GLT6D1: variants seen among roughly 807,000 people sequenced by gnomAD.
The protein encoded by GLT6D1 is glycosyltransferase 6 domain containing 1.
A neutral mutation model predicts 12.3 loss-of-function variants in GLT6D1; 9 were observed. The ratio of observed to expected loss-of-function variants is 0.73; its 90% confidence interval spans 0.44 to 1.27. The LOEUF is 1.27. Among genes scored for constraint, GLT6D1 ranks in the 50% most tolerant of loss-of-function variants. GLT6D1 has a pLI of 0.00. For synonymous variants in GLT6D1, 128 were observed against 132.3 expected, an observed-to-expected ratio of 0.97 and a Z score of 0.23; for missense variants, 335 against 346.2, an observed-to-expected ratio of 0.97 and a Z score of 0.26.
Position 135,639,209 on chromosome 9 carries a change from G to GA in GLT6D1, c.-6-17dup, listed in dbSNP as rs763332794. 7.4e-7 allele frequency: 1 copy of GA among 1,349,888 alleles called. No homozygotes were observed. 83.6% of individuals were successfully genotyped at this position (1,349,888 alleles called of 1,614,324 possible). A position where few individuals can be genotyped will look rare whatever the true frequency, so the allele number is the denominator to read the frequency against. ...TCATTCTCTCCTAGGGAAAGAAGGA[G>GA]AAAAAATTAGATTTTAAGCAATAAA... On this transcript the variant is annotated splice_polypyrimidine_tract_variant and intron_variant, in intron 1 of 4. Coordinates refer to ENST00000371763, the MANE Select transcript of GLT6D1 (RefSeq NM_182974.3).
At chr9:135,634,684 T>C (rs1044250330) in intron 2 of GLT6D1, among the ~76,000 whole-genome samples, 4 of 151,882 alleles carry the variant, frequency 2.6e-5, no homozygotes, top group African/African-American at 4.8e-5. Flanking sequence ...CATACTTTGG[T>C]TGGATTTTCT....
At chr9:135,637,637 T>C (rs540281254) in intron 2 of GLT6D1, among the ~76,000 whole-genome samples, 1 of 152,200 alleles carries the variant, frequency 6.6e-6, no homozygotes, top group South Asian at 2.1e-4. Flanking sequence ...AATTTCCTGA[T>C]GACAAATGAG....
chr9:135,625,190 T>A (rs1413944850), intron 4 of GLT6D1, among the ~76,000 whole-genome samples: 2 of 152,106 alleles, frequency 1.3e-5, no homozygotes, highest in African/African-American at 2.4e-5. Flanking sequence ...GGAAGGAATG[T>A]CCTGACCTGG....
At chr9:135,630,171 TAAG>T (rs1833607415) in intron 3 of GLT6D1, among the ~76,000 whole-genome samples, 1 of 152,008 alleles carries the variant, frequency 6.6e-6, no homozygotes, top group Non-Finnish European at 1.5e-5. Flanking sequence ...TTTGGGAGGC[TAAG>T]GAGGGTGGAT....
chr9:135,636,482 A>C (rs1218790623), intron 2 of GLT6D1, among the ~76,000 whole-genome samples: 1 of 152,106 alleles, frequency 6.6e-6, no homozygotes, highest in Non-Finnish European at 1.5e-5. Flanking sequence ...CACAGTCTGC[A>C]TTGCTTCCTA....
chr9:135,636,795 A>G (rs1229155005), intron 2 of GLT6D1, among the ~76,000 whole-genome samples: 2 of 152,190 alleles, frequency 1.3e-5, no homozygotes, highest in Admixed American at 1.3e-4. Context: ...TTTTGCACTC[A>G]GCAATATGCA....
intron 2 of GLT6D1, among the ~76,000 whole-genome samples, chr9:135,638,140 A>C (rs1360837922): frequency 6.6e-6 from 1 of 152,214 alleles, no homozygotes; most frequent in Admixed American, 6.5e-5. Context: ...CTTCCATGGC[A>C]GCGGCAAGAG....
chr9:135,634,046 G>A (rs2119146717), intron 2 of GLT6D1, among the ~76,000 whole-genome samples: 1 of 152,158 alleles, frequency 6.6e-6, no homozygotes, highest in South Asian at 2.1e-4. Flanking sequence ...TTTATAACTG[G>A]CCATGCATCC....
intron 2 of GLT6D1, among the ~76,000 whole-genome samples, chr9:135,637,361 A>C (rs1260256655): frequency 2.0e-5 from 3 of 150,510 alleles, no homozygotes; most frequent in Non-Finnish European, 1.5e-5. Context: ...CATCTTGTGC[A>C]GGGTTTGTGT....
At chr9:135,640,154 A>G (rs1333043075), upstream of GLT6D1, among the ~76,000 whole-genome samples, 1 of 152,146 alleles carries the variant, frequency 6.6e-6, no homozygotes, top group Non-Finnish European at 1.5e-5. Context: ...GCCACTTGCC[A>G]CATGTGGTCC....
intron 2 of GLT6D1, 144 bp downstream of exon 2, chr9:135,638,973 A>G: frequency 4.0e-6 from 2 of 495,914 alleles, no homozygotes; most frequent in South Asian, 6.2e-5. Context: ...TCAAGGCTGC[A>G]GTGAGCTAAT....
rs1253970306 is a variant in GLT6D1, at chr9:135,626,191, A to G, written c.135T>C (p.Val45=). Residue 45 remains valine, a synonymous_variant, in exon 4 of 5, where the codon GTT becomes GTC. Transcript: ENST00000371763. ...DWFHPRKRPD[V]ITKTDWLAPV... The stretch of plus-strand genomic sequence containing the variant: ...GAGCGAGCCAGTCTGTTTTCGTTAT[A>G]ACATCAGGGCGTTTTCTGTGGAACA... 6.2e-7 allele frequency: 1 copy of G among 1,613,866 alleles called. No individual in the cohort carries two copies. The highest frequency in any genetic ancestry group is 8.5e-7 in the Non-Finnish European group (1 of 1,179,992).
chr9:135,638,772 A>G (rs1452259066), intron 2 of GLT6D1, among the ~76,000 whole-genome samples: 11 of 152,236 alleles, frequency 7.2e-5, no homozygotes. Flanking sequence ...AAGAGAAAGT[A>G]ACTTCTGATT....
At chr9:135,628,561 C>A (rs1833568456) in intron 3 of GLT6D1, among the ~76,000 whole-genome samples, 1 of 151,836 alleles carries the variant, frequency 6.6e-6, no homozygotes, top group Admixed American at 6.6e-5. Context: ...TCTTGTGATA[C>A]CTTTGTCTGG....
chr9:135,629,095 A>G (rs1295718825), intron 3 of GLT6D1, among the ~76,000 whole-genome samples: 1 of 151,328 alleles, frequency 6.6e-6, no homozygotes, highest in East Asian at 1.9e-4. Context: ...CTTTAGTTTT[A>G]TTTTGTTCTT....
At chr9:135,636,764 C>A (rs1930745) in intron 2 of GLT6D1, among the ~76,000 whole-genome samples, 2 of 152,006 alleles carry the variant, frequency 1.3e-5, no homozygotes, top group African/African-American at 4.8e-5. Flanking sequence ...TTATACAGCA[C>A]GCAGCCTTTT....
intron 2 of GLT6D1, among the ~76,000 whole-genome samples, chr9:135,633,632 A>G (rs894086143): frequency 1.3e-5 from 2 of 152,182 alleles, no homozygotes; most frequent in Non-Finnish European, 2.9e-5. Flanking sequence ...CAATGAATAA[A>G]TTTTTAGTGT....
chr9:135,632,137 A>ATTTTTT (rs10686489), intron 2 of GLT6D1, among the ~76,000 whole-genome samples: 11 of 144,170 alleles, frequency 7.6e-5, no homozygotes, highest in East Asian at 6.2e-4. Flanking sequence ...CCTGGGAGCA[A>ATTTTTT]TTTTTTTTTT....
rs768446480 is a variant in GLT6D1 at position 135,624,536 on chromosome 9, G to T, written c.392C>A (p.Thr131Lys). Residue 131 changes from threonine to lysine, a missense_variant, in exon 5 of 5, where the codon ACG (threonine) becomes AAG (lysine). Coordinates refer to ENST00000371763, the MANE Select transcript of GLT6D1 (RefSeq NM_182974.3). ...LPDIEPSPLRTFKAFKVGTER... is the reference protein window; with the variant it reads ...LPDIEPSPLRKFKAFKVGTER... ...GGTGCCCACTTTAAATGCTTTGAACGTTCGAAGAGGACTGGGCTCTATGTC... is the reference window on the plus strand; with the variant it reads ...GGTGCCCACTTTAAATGCTTTGAACTTTCGAAGAGGACTGGGCTCTATGTC... 3 of 1,613,988 alleles carry T rather than the reference G, an allele frequency of 1.9e-6. No homozygotes were observed. Among genetic ancestry groups the T allele is most frequent in the Admixed American group, 1.7e-5 (1 of 60,016 alleles).
Sources: gnomAD v4.1 joint callset for allele counts (sites outside exome capture counted in the v4.1 genomes callset) on GRCh38, gnomAD v4.1.1 for gene constraint, MANE v1.5 for transcripts, NCBI Gene and HGNC (gene_info 2026-07-23, HGNC 2026-07-21) for gene names.